The following SMCO2 variants were observed in gnomAD, a reference collection of about 807,000 sequenced individuals.
SMCO2 encodes the protein single-pass membrane and coiled-coil domain-containing protein 2.
SMCO2 carries 25 observed loss-of-function variants against 29.5 expected under a neutral mutation model. The observed-to-expected ratio is 0.85, with a 90% CI of 0.62 to 1.18. The LOEUF is 1.18. Among genes scored for constraint, SMCO2 ranks in the 50% most tolerant of loss-of-function variants. The pLI is 0.00. For missense variants in SMCO2, 348 were observed against 344.5 expected (o/e 1.01, Z -0.08); for synonymous variants, 117 against 123.3 (o/e 0.95, Z 0.34).
chr12:27,484,620 C>T (rs186794771), intron 4 of SMCO2, among the ~76,000 whole-genome samples: 152 of 151,536 alleles, frequency 1.0e-3, no homozygotes, highest in African/African-American at 3.6e-3. Flanking sequence ...TAAAATTTTC[C>T]TTGCTCTATT....
chr12:27,426,032 C>T, the SMCO2 span, among the ~76,000 whole-genome samples: 1 of 152,170 alleles, frequency 6.6e-6, no homozygotes, highest in Non-Finnish European at 1.5e-5. Context: ...GGCTGTGATA[C>T]ATGCTCAACC....
intron 4 of SMCO2, among the ~76,000 whole-genome samples, chr12:27,482,713 T>C (rs1283527447): frequency 6.6e-6 from 1 of 152,238 alleles, no homozygotes; most frequent in African/African-American, 2.4e-5. Context: ...GAACAAATTT[T>C]ATGTTACTTG....
chr12:27,449,903 C>T, the SMCO2 span, among the ~76,000 whole-genome samples: 1 of 152,188 alleles, frequency 6.6e-6, no homozygotes, highest in African/African-American at 2.4e-5. Context: ...TCTAGCTAAG[C>T]CCTTCCTGTA....
intron 4 of SMCO2, among the ~76,000 whole-genome samples, chr12:27,485,833 C>T (rs1044086475): frequency 2.6e-5 from 4 of 152,150 alleles, no homozygotes; most frequent in African/African-American, 4.8e-5. Flanking sequence ...AATTTTACCT[C>T]ATTTGGTTTT....
chr12:27,475,543 T>G, intron 4 of SMCO2, 39 bp from the exon 5 acceptor site: 1 of 1,499,492 alleles, frequency 6.7e-7, no homozygotes, highest in Admixed American at 2.5e-5. Context: ...TTGTTTCCCA[T>G]TTTCTGCTTT....
chr12:27,499,050 A>G (rs1337287498), intron 7 of SMCO2, among the ~76,000 whole-genome samples: 1 of 150,826 alleles, frequency 6.6e-6, no homozygotes, highest in Non-Finnish European at 1.5e-5. Context: ...AAACGGTTAA[A>G]TATAGAATTA....
At chr12:27,472,104 A>T (rs530077813) in intron 2 of SMCO2, among the ~76,000 whole-genome samples, 2 of 152,290 alleles carry the variant, frequency 1.3e-5, no homozygotes, top group Admixed American at 1.3e-4. Flanking sequence ...CCATATTGCC[A>T]TTTTAAAAAC....
the SMCO2 span, among the ~76,000 whole-genome samples, chr12:27,455,146 C>T: frequency 6.6e-6 from 1 of 152,160 alleles, no homozygotes; most frequent in Non-Finnish European, 1.5e-5. Context: ...CTGTTCCAGG[C>T]ATTAACCTTG....
chr12:27,473,474 T>G (rs545822233), intron 3 of SMCO2, among the ~76,000 whole-genome samples: 1 of 152,336 alleles, frequency 6.6e-6, no homozygotes, highest in Non-Finnish European at 1.5e-5. Context: ...TATATCAAGA[T>G]TCTTAGTTTC....
At chr12:27,495,289 C>G (rs1192435253) in intron 6 of SMCO2, among the ~76,000 whole-genome samples, 1 of 139,676 alleles carries the variant, frequency 7.2e-6, no homozygotes, top group Non-Finnish European at 1.5e-5. Context: ...CCCCCAGCCC[C>G]TGTAATAGAT....
At chr12:27,483,163 G>T (rs1372195289) in intron 4 of SMCO2, among the ~76,000 whole-genome samples, 1 of 152,130 alleles carries the variant, frequency 6.6e-6, no homozygotes, top group Non-Finnish European at 1.5e-5. Flanking sequence ...ATATCAATCA[G>T]GTCAGGTTGG....
the SMCO2 span, among the ~76,000 whole-genome samples, chr12:27,429,227 T>C: frequency 0.012 from 1,878 of 152,244 alleles, 13 homozygotes; most frequent in South Asian, 0.031. Context: ...TTTACATTCA[T>C]TTTTGGAAAA....
At position 27,494,304 on chromosome 12, in the gene SMCO2, A is replaced by G. The variant is rs1229092386; in HGVS notation, c.455A>G (p.Asn152Ser). 5.3e-6 allele frequency: 8 copies of G among 1,510,138 alleles called. No homozygotes were observed. The African/African-American group carries it at 9.9e-5, about 19-fold the overall frequency. 93.5% of individuals were successfully genotyped at this position (1,510,138 alleles called of 1,614,324 possible). A position where few individuals can be genotyped will look rare whatever the true frequency, so the allele number is the denominator to read the frequency against. ...GAATTGTGGATGTGTTTTTAGGTGA[A>G]TACTTGTAATGAAGTTTATGAATTA... The change falls in exon 6 of 8, where the codon AAT becomes AGT. Residue 152 changes from asparagine (N) to serine (S), a missense_variant. Transcript: ENST00000298876.
intron 5 of SMCO2, chr12:27,493,943 A>T (rs144861970): frequency 1.3e-5 from 2 of 155,036 alleles, no homozygotes; most frequent in Admixed American, 6.5e-5. Context: ...ATTTAAAAGA[A>T]ATATTTTCTC....
At chr12:27,457,165 G>T in the SMCO2 span, among the ~76,000 whole-genome samples, 1 of 152,000 alleles carries the variant, frequency 6.6e-6, no homozygotes, top group African/African-American at 2.4e-5. Flanking sequence ...CCTCTTGGTG[G>T]CAGGCCTAAC....
chr12:27,438,759 C>A, the SMCO2 span, among the ~76,000 whole-genome samples: 8 of 133,398 alleles, frequency 6.0e-5, no homozygotes, highest in East Asian at 2.7e-4. Context: ...CTTCTCCCCC[C>A]ACCCACCCAC....
chr12:27,442,195 G>C, the SMCO2 span, among the ~76,000 whole-genome samples: 2 of 151,944 alleles, frequency 1.3e-5, no homozygotes, highest in Admixed American at 1.3e-4. Flanking sequence ...TAAAAGGAAA[G>C]ATATAATAAA....
In SMCO2 at chr12:27,475,560, G is replaced by T. The variant is rs539676551; in HGVS notation, c.362+647G>T. 1.5e-5 allele frequency: 22 copies of T among 1,499,420 alleles called. No individual in the cohort carries two copies. In the African/African-American group the frequency reaches 3.2e-4, roughly 22 times the overall value. 92.9% of individuals were successfully genotyped at this position (1,499,420 alleles called of 1,614,324 possible). ...GTTTCCCATTTTCTGCTTTGAAAAT[G>T]ATCACCATAATATTTCCGCAGGTGT... On this transcript the variant is annotated intron_variant, in intron 4 of 7. Coordinates refer to ENST00000298876, the Ensembl canonical transcript of SMCO2.
intron 4 of SMCO2, among the ~76,000 whole-genome samples, chr12:27,479,236 G>A (rs1949618728): frequency 6.6e-6 from 1 of 152,096 alleles, no homozygotes; most frequent in Admixed American, 6.5e-5. Flanking sequence ...TGATATCTGG[G>A]CCCCTGGATA....
Sources: allele counts gnomAD v4.1 joint callset (sites outside exome capture counted in the v4.1 genomes callset), GRCh38; gene constraint gnomAD v4.1.1; transcripts MANE v1.5; gene names NCBI Gene and HGNC (gene_info 2026-07-23, HGNC 2026-07-21).